SGCZ: variants seen among roughly 807,000 people sequenced by gnomAD.
SGCZ encodes sarcoglycan zeta, also known as zeta-sarcoglycan.
SGCZ carries 40 observed loss-of-function variants against 41.3 expected under a neutral mutation model. The ratio of observed to expected loss-of-function variants is 0.97; its 90% CI spans 0.75 to 1.26. The LOEUF is 1.26. Among genes scored for constraint, SGCZ ranks in the 50% most tolerant of loss-of-function variants. The probability of loss-of-function intolerance (pLI) is 0.00; values close to 1 mark genes in which losing one functional copy is unlikely to be tolerated. For missense variants in SGCZ, 552 were observed against 369.8 expected, an observed-to-expected ratio of 1.49 and a Z score of -4.04; for synonymous variants, 206 against 137.5, an observed-to-expected ratio of 1.50 and a Z score of -3.49.
At chr8:14,661,957 T>C (rs1807764997) in intron 1 of SGCZ, among the ~76,000 whole-genome samples, 1 of 152,172 alleles carries the variant, frequency 6.6e-6, no homozygotes, top group South Asian at 2.1e-4. Flanking sequence ...CATTTTCAAA[T>C]GATGAGCTTA....
intron 3 of SGCZ, among the ~76,000 whole-genome samples, chr8:14,254,847 C>T (rs1222115177): frequency 6.6e-6 from 1 of 152,018 alleles, no homozygotes; most frequent in Non-Finnish European, 1.5e-5. Context: ...AGGAACTGAT[C>T]TGTATTCATT....
chr8:15,172,193 G>T (rs1297335936), intron 1 of SGCZ, among the ~76,000 whole-genome samples: 12 of 82,712 alleles, frequency 1.5e-4, no homozygotes, highest in Non-Finnish European at 2.2e-4. Context: ...ACGGAGTTTC[G>T]CTCTGTCGCC....
chr8:15,086,289 C>T (rs1034425847), intron 1 of SGCZ, among the ~76,000 whole-genome samples: 2 of 152,060 alleles, frequency 1.3e-5, no homozygotes, highest in African/African-American at 2.4e-5. Context: ...TTGCATACTC[C>T]GAAAACTACA....
At chr8:14,225,260 C>A (rs1806332948) in intron 4 of SGCZ, among the ~76,000 whole-genome samples, 1 of 151,734 alleles carries the variant, frequency 6.6e-6, no homozygotes, top group Non-Finnish European at 1.5e-5. Flanking sequence ...TGTTGTACCC[C>A]CAAAAGTTAT....
chr8:15,066,259 G>T (rs535274484), intron 1 of SGCZ, among the ~76,000 whole-genome samples: 9 of 147,692 alleles, frequency 6.1e-5, no homozygotes, highest in African/African-American at 2.3e-4. Context: ...CGTGAGCCGA[G>T]ATTGCGCCAC....
intron 1 of SGCZ, among the ~76,000 whole-genome samples, chr8:14,660,571 CAAA>C (rs71304960): frequency 1.5e-5 from 1 of 67,288 alleles, no homozygotes; most frequent in Non-Finnish European, 3.2e-5. Flanking sequence ...AACTCCATCT[CAAA>C]AAAAAAAAAA....
At chr8:15,059,644 C>A (rs1804842447) in intron 1 of SGCZ, among the ~76,000 whole-genome samples, 5 of 151,646 alleles carry the variant, frequency 3.3e-5, no homozygotes, top group African/African-American at 1.2e-4. Context: ...ATACTGTCTT[C>A]CTAAATTAAT....
intron 2 of SGCZ, among the ~76,000 whole-genome samples, chr8:14,445,803 T>C (rs1286639799): frequency 1.3e-5 from 2 of 152,140 alleles, no homozygotes; most frequent in Non-Finnish European, 2.9e-5. Flanking sequence ...AGGAGAGTAA[T>C]GGAATACTCC....
chr8:14,824,509 G>A (rs993503905), intron 1 of SGCZ, among the ~76,000 whole-genome samples: 5 of 151,796 alleles, frequency 3.3e-5, no homozygotes, highest in African/African-American at 1.2e-4. Flanking sequence ...AAAAATCCAG[G>A]ATGTACTCTT....
intron 2 of SGCZ, among the ~76,000 whole-genome samples, chr8:14,524,968 A>G (rs1022349832): frequency 1.2e-4 from 18 of 152,050 alleles, no homozygotes; most frequent in African/African-American, 4.3e-4. Flanking sequence ...ATTAATTACT[A>G]TTTCAAGTGT....
chr8:15,047,080 A>G (rs1434749144), intron 1 of SGCZ, among the ~76,000 whole-genome samples: 1 of 152,038 alleles, frequency 6.6e-6, no homozygotes, highest in Non-Finnish European at 1.5e-5. Context: ...TTTGATGGAT[A>G]TATATCAATG....
At chr8:15,109,589 CAAATAAGAAATACTGA>C (rs1212812367) in intron 1 of SGCZ, among the ~76,000 whole-genome samples, 1 of 151,950 alleles carries the variant, frequency 6.6e-6, no homozygotes, top group Non-Finnish European at 1.5e-5. Context: ...ACTAGATAAT[CAAATAAGAAATACTGA>C]AAGCAAATCT....
chr8:15,219,652 C>T (rs985510430), intron 1 of SGCZ, among the ~76,000 whole-genome samples: 9 of 152,006 alleles, frequency 5.9e-5, no homozygotes, highest in African/African-American at 2.2e-4. Context: ...GAGATATTTA[C>T]CGGAATGCTA....
intron 2 of SGCZ, among the ~76,000 whole-genome samples, chr8:14,432,215 A>C (rs550177727): frequency 6.6e-6 from 1 of 152,348 alleles, no homozygotes; most frequent in South Asian, 2.1e-4. Flanking sequence ...ATTATACAAA[A>C]AGATACTTGC....
chr8:14,727,568 T>G (rs972412087), intron 1 of SGCZ, among the ~76,000 whole-genome samples: 3 of 151,560 alleles, frequency 2.0e-5, no homozygotes, highest in African/African-American at 7.3e-5. Context: ...TAGAGTGCAG[T>G]GGCCAGATCT....
At chr8:14,179,378 A>C (rs1804649462) in intron 4 of SGCZ, among the ~76,000 whole-genome samples, 1 of 152,156 alleles carries the variant, frequency 6.6e-6, no homozygotes, top group Non-Finnish European at 1.5e-5. Flanking sequence ...CTTTTCTAGT[A>C]TCCCTTTAGC....
intron 1 of SGCZ, among the ~76,000 whole-genome samples, chr8:14,883,972 A>G (rs967024997): frequency 2.0e-5 from 3 of 152,086 alleles, no homozygotes; most frequent in African/African-American, 7.2e-5. Flanking sequence ...CTTACTTATC[A>G]TATATTTAGA....
At chr8:14,266,320 G>T (rs1053973003) in intron 3 of SGCZ, among the ~76,000 whole-genome samples, 3 of 152,046 alleles carry the variant, frequency 2.0e-5, no homozygotes, top group Non-Finnish European at 2.9e-5. Context: ...ATTTTTGTGG[G>T]TGAGACATTA....
chr8:15,222,164 C>T (rs901582418), intron 1 of SGCZ, among the ~76,000 whole-genome samples: 7 of 152,072 alleles, frequency 4.6e-5, no homozygotes, highest in Non-Finnish European at 2.9e-5. Flanking sequence ...ATTATCAAAG[C>T]ATTTTATATT....
Sources: gnomAD v4.1 joint callset for allele counts (sites outside exome capture counted in the v4.1 genomes callset) on GRCh38, gnomAD v4.1.1 for gene constraint, MANE v1.5 for transcripts, NCBI Gene and HGNC (gene_info 2026-07-23, HGNC 2026-07-21) for gene names.